The following ZPLD1 variants were observed in gnomAD, a reference collection of about 807,000 sequenced individuals.
The protein encoded by ZPLD1 is zona pellucida-like domain-containing protein 1.
ZPLD1 carries 34 observed loss-of-function variants against 47.2 expected under a neutral mutation model. The observed-to-expected ratio is 0.72, with a 90% CI of 0.55 to 0.96. The LOEUF (loss-of-function observed/expected upper bound fraction) is 0.96. ZPLD1 is among the 40% of genes least tolerant of loss of function. The pLI is 0.00. For missense variants in ZPLD1, 512 were observed against 505.8 expected (o/e 1.01, Z -0.12); for synonymous variants, 176 against 186.2 (o/e 0.95, Z 0.45).
At chr3:102,473,894 T>G (rs1707720899) in intron 10 of ZPLD1, among the ~76,000 whole-genome samples, 1 of 152,162 alleles carries the variant, frequency 6.6e-6, no homozygotes, top group Admixed American at 6.5e-5. Context: ...TGTGGCCAAT[T>G]TTATATAGAT....
At chr3:102,464,330 A>T in intron 8 of ZPLD1, 79 bp downstream of exon 8, 1 of 1,020,900 alleles carries the variant, frequency 9.8e-7, no homozygotes, top group Non-Finnish European at 1.5e-6. Context: ...TCTAAGTCAG[A>T]TAAATTATAA....
At chr3:102,423,039 A>G (rs1706899261) in intron 8 of ZPLD1, among the ~76,000 whole-genome samples, 1 of 152,100 alleles carries the variant, frequency 6.6e-6, no homozygotes, top group Non-Finnish European at 1.5e-5. Flanking sequence ...CAGTGGGAAG[A>G]AGGATCCCTC....
At chr3:102,477,158 C>T (rs1317549588) in intron 11 of ZPLD1, 117 bp downstream of exon 11, 2 of 1,149,574 alleles carry the variant, frequency 1.7e-6, no homozygotes, top group Non-Finnish European at 2.6e-6. Flanking sequence ...TTTTAGATAA[C>T]AGTTCACTGA....
upstream of ZPLD1, among the ~76,000 whole-genome samples, chr3:102,434,010 C>T (rs988291419): frequency 6.6e-6 from 1 of 152,032 alleles, no homozygotes; most frequent in East Asian, 1.9e-4. Flanking sequence ...ATTTGAAAAC[C>T]TCCAATCAAG....
At chr3:102,448,032 A>G (rs1707283753) in intron 3 of ZPLD1, among the ~76,000 whole-genome samples, 1 of 152,196 alleles carries the variant, frequency 6.6e-6, no homozygotes, top group Non-Finnish European at 1.5e-5. Context: ...TAAAATTTGC[A>G]AAATTTTAGA....
chr3:102,438,994 T>C (rs1707134090), intron 3 of ZPLD1, among the ~76,000 whole-genome samples: 1 of 152,136 alleles, frequency 6.6e-6, no homozygotes, highest in Non-Finnish European at 1.5e-5. Flanking sequence ...TACAAAAAAA[T>C]GCTATTTCAA....
intron 1 of ZPLD1, among the ~76,000 whole-genome samples, chr3:102,436,553 A>C (rs1707093920): frequency 6.6e-6 from 1 of 152,214 alleles, no homozygotes. Context: ...CTTGTTCAAC[A>C]AACTTTACTA....
chr3:102,396,993 A>G (rs1187314700), intron 7 of ZPLD1, among the ~76,000 whole-genome samples: 4 of 152,142 alleles, frequency 2.6e-5, no homozygotes, highest in African/African-American at 9.6e-5. Flanking sequence ...GGATTGTATG[A>G]AATAATGCAG....
intron 7 of ZPLD1, among the ~76,000 whole-genome samples, chr3:102,403,889 C>T (rs887707766): frequency 3.3e-5 from 5 of 151,886 alleles, no homozygotes; most frequent in Non-Finnish European, 7.4e-5. Flanking sequence ...TACAGATGAA[C>T]AAGACCTTAA....
intron 1 of ZPLD1, among the ~76,000 whole-genome samples, chr3:102,436,577 G>A (rs1327925661): frequency 1.3e-5 from 2 of 152,102 alleles, no homozygotes; most frequent in Non-Finnish European, 2.9e-5. Context: ...GAAAGACTTA[G>A]GGTTGAATTC....
intron 1 of ZPLD1, among the ~76,000 whole-genome samples, chr3:102,435,520 C>T (rs548532062): frequency 7.2e-5 from 11 of 152,220 alleles, no homozygotes; most frequent in South Asian, 2.1e-4. Flanking sequence ...GTGGAGGGTA[C>T]GACCTGCACA....
chr3:102,386,699 T>C lies in ZPLD1; in HGVS notation c.-213+1382T>C, dbSNP rs371383148. ...ATATATTAAAGACAAATTGAAATCATAATATTTAGGAGGTTAGTATATTAA... is the reference window on the plus strand; with the variant it reads ...ATATATTAAAGACAAATTGAAATCACAATATTTAGGAGGTTAGTATATTAA... On this transcript the variant is annotated intron_variant, in intron 6 of 17. Coordinates refer to the ZPLD1 transcript ENST00000491959. Among the ~76,000 whole-genome samples, 48 of 152,288 alleles carry C rather than the reference T, an allele frequency of 3.2e-4. No homozygotes were observed. The East Asian group carries it at 5.8e-3, about 18-fold the overall frequency.
intron 3 of ZPLD1, among the ~76,000 whole-genome samples, chr3:102,442,023 G>A (rs1707186605): frequency 6.6e-6 from 1 of 152,122 alleles, no homozygotes; most frequent in South Asian, 2.1e-4. Flanking sequence ...ATTTCAAAGA[G>A]ATGACTCTCA....
upstream of ZPLD1, among the ~76,000 whole-genome samples, chr3:102,432,900 A>T (rs997913443): frequency 6.6e-6 from 1 of 152,166 alleles, no homozygotes; most frequent in African/African-American, 2.4e-5. Flanking sequence ...TTAGTTATAT[A>T]TCTCTGACCA....
At chr3:102,404,184 C>T (rs912181983) in intron 7 of ZPLD1, among the ~76,000 whole-genome samples, 1 of 151,932 alleles carries the variant, frequency 6.6e-6, no homozygotes, top group African/African-American at 2.4e-5. Context: ...TACAATCTCA[C>T]CCACATTTCA....
chr3:102,418,627 CG>C, intron 8 of ZPLD1, among the ~76,000 whole-genome samples: 1 of 151,996 alleles, frequency 6.6e-6, no homozygotes, highest in Admixed American at 6.6e-5. Context: ...CTTTGCCAGC[CG>C]GCTACAGCTC....
chr3:102,452,977 T>C lies in ZPLD1; in HGVS notation c.165T>C (p.Phe55=). 6.2e-7 allele frequency: 1 copy of C among 1,614,178 alleles called. No individual in the cohort carries two copies. The highest frequency in any genetic ancestry group is 1.3e-5 in the African/African-American group (1 of 75,060). Residue 55 remains phenylalanine, a synonymous_variant, in exon 4 of 12, where the codon TTT becomes TTC. Transcript: ENST00000466937. ...GVQAITMKIN[F]CTVLFSGYSE... is the part of the protein sequence containing the mutation. Reference sequence around the variant, plus strand: ...AGGCTATTACGATGAAGATTAATTTTTGCACGGTACTTTTCTCGGGTTATT... The same window carrying C: ...AGGCTATTACGATGAAGATTAATTTCTGCACGGTACTTTTCTCGGGTTATT...
At chr3:102,395,720 T>A (rs1318717868) in intron 7 of ZPLD1, among the ~76,000 whole-genome samples, 2 of 152,190 alleles carry the variant, frequency 1.3e-5, no homozygotes, top group African/African-American at 4.8e-5. Flanking sequence ...TGCATCATAT[T>A]ACTTTGTCTC....
At chr3:102,464,907 T>G (rs1022187899) in intron 8 of ZPLD1, among the ~76,000 whole-genome samples, 1 of 152,304 alleles carries the variant, frequency 6.6e-6, no homozygotes, top group African/African-American at 2.4e-5. Context: ...AGCAATGTCT[T>G]CTAATCATGC....
Sources: allele counts gnomAD v4.1 joint callset (sites outside exome capture counted in the v4.1 genomes callset), GRCh38; gene constraint gnomAD v4.1.1; transcripts MANE v1.5; gene names NCBI Gene and HGNC (gene_info 2026-07-23, HGNC 2026-07-21).